Variants in SEMA4D observed in about 807,000 individuals in gnomAD.
The protein encoded by SEMA4D is semaphorin 4D, also known as semaphorin-4D.
Under a neutral mutation model 74.8 loss-of-function variants are expected in SEMA4D, and 22 were observed. The ratio of observed to expected loss-of-function variants is 0.29; its 90% CI spans 0.21 to 0.42. The LOEUF (loss-of-function observed/expected upper bound fraction) is 0.42. Among genes scored for constraint, SEMA4D ranks in the 10% least tolerant of loss-of-function variants. SEMA4D has a pLI of 1.00. For missense variants in SEMA4D, 937 were observed against 1,118.4 expected (o/e 0.84, Z 2.31); for synonymous variants, 445 against 463.7 (o/e 0.96, Z 0.52).
chr9:89,475,835 T>TC (rs934010381), intron 1 of SEMA4D, among the ~76,000 whole-genome samples: 10 of 152,262 alleles, frequency 6.6e-5, no homozygotes, highest in African/African-American at 2.2e-4. Context: ...ATATTTTTTT[T>TC]CCCAGAAAAA....
intron 18 of SEMA4D, among the ~76,000 whole-genome samples, chr9:89,363,266 T>TCC (rs1564475660): frequency 1.4e-5 from 2 of 142,644 alleles, no homozygotes; most frequent in Non-Finnish European, 3.1e-5. Context: ...GACGTGGGAT[T>TCC]TCCCCCCCCA....
At chr9:89,372,244 G>C (rs375411129), downstream of SEMA4D, among the ~76,000 whole-genome samples, 7 of 120,734 alleles carry the variant, frequency 5.8e-5, no homozygotes, top group African/African-American at 2.3e-4. Context: ...GGTGTGGTGT[G>C]TCTGGGCTGT....
rs202107962 is a variant in SEMA4D, at chr9:89,381,164, C to T, written c.1619+10G>A. The T allele has an allele frequency of 4.4e-4, 712 of 1,613,894 alleles. 4 individuals are homozygous for T. Among genetic ancestry groups the T allele is most frequent in the Middle Eastern group, 1.6e-4 (1 of 6,084 alleles). On this transcript the variant is annotated intron_variant, in intron 14 of 15. Coordinates refer to ENST00000422704, the MANE Select transcript of SEMA4D (RefSeq NM_001371194.2). This position sits in a 1 kb window ranked among gnomAD's most constrained non-coding sequence, Gnocchi z 4.6. ...GGGGACATCCCCAGGCAGCGCATCC[C>T]GCCCCATACCTGCTGGGGCTCTCGG...
At chr9:89,459,245 G>T (rs1856692188) in intron 1 of SEMA4D, among the ~76,000 whole-genome samples, 1 of 146,900 alleles carries the variant, frequency 6.8e-6, no homozygotes, top group African/African-American at 2.4e-5. Context: ...GTCCGGTAGT[G>T]CTCTGGGGGG....
At position 89,391,372 on chromosome 9, in the gene SEMA4D, G is replaced by T; in HGVS notation, c.666C>A (p.Asp222Glu). ...CCCTGTCATCCTCGCCGTCGGGGCT[G>T]TCTGGGCTTTTTCGGATCACGTCAG... is the stretch of plus-strand genomic sequence containing the variant. ...VFADVIRKSP[D>E]SPDGEDDRVY... is the part of the protein sequence containing the mutation. Residue 222 changes from aspartate (D) to glutamate (E), a missense_variant, in exon 9 of 16, where the codon GAC (aspartate) becomes GAA (glutamate). Asp to Glu is a conservative substitution (Grantham distance 45). Transcript: ENST00000422704. 6.2e-7 allele frequency: 1 copy of T among 1,614,274 alleles called. No homozygotes were observed. The highest frequency in any genetic ancestry group is 8.5e-7 in the Non-Finnish European group (1 of 1,180,046).
chr9:89,460,875 T>C (rs978825359), intron 1 of SEMA4D, among the ~76,000 whole-genome samples: 1 of 152,076 alleles, frequency 6.6e-6, no homozygotes, highest in Admixed American at 6.5e-5. Flanking sequence ...CAGCTGAAAA[T>C]GACACCTAGC....
Position 89,405,506 on chromosome 9 carries a change from G to C in SEMA4D, c.-50C>G. ...TCAGCAGCAAAGGCTCACGGCAGCA[G>C]GTGGCCGGGCAGGTGTGCTATTGCA... is the stretch of plus-strand genomic sequence containing the variant. On this transcript the variant is annotated 5_prime_UTR_variant, in exon 3 of 16. Transcript: ENST00000422704. 6.2e-7 allele frequency: 1 copy of C among 1,605,972 alleles called. No homozygotes were observed. The highest frequency in any genetic ancestry group is 1.1e-5 in the South Asian group (1 of 90,844).
chr9:89,447,696 AG>A (rs1853281858), intron 2 of SEMA4D, among the ~76,000 whole-genome samples: 1 of 151,674 alleles, frequency 6.6e-6, no homozygotes, highest in Admixed American at 6.6e-5. Context: ...CCCAGAAGCC[AG>A]GGGTCTTCCC....
chr9:89,461,700 C>CTCTTTTTTTTTTTTTTTTT (rs71281350), intron 1 of SEMA4D, among the ~76,000 whole-genome samples: 9 of 103,646 alleles, frequency 8.7e-5, no homozygotes, highest in Non-Finnish European at 1.5e-4. Context: ...TCTTTTTTCT[C>CTCTTTTTTTTTTTTTTTTT]TTTTTTTTTT....
At chr9:89,485,553 C>A (rs1242423694) in intron 1 of SEMA4D, among the ~76,000 whole-genome samples, 10 of 152,080 alleles carry the variant, frequency 6.6e-5, no homozygotes, top group Non-Finnish European at 1.0e-4. Flanking sequence ...CTTTGGGAGG[C>A]CAAGACGGGA....
intron 8 of SEMA4D, 151 bp from the exon 9 acceptor site, chr9:89,391,566 A>G: frequency 2.7e-6 from 2 of 727,352 alleles, no homozygotes; most frequent in South Asian, 1.8e-5. Context: ...ATCCAAACAG[A>G]AACTCCAGGA....
At chr9:89,466,987 C>T (rs372104387) in intron 1 of SEMA4D, among the ~76,000 whole-genome samples, 2 of 152,198 alleles carry the variant, frequency 1.3e-5, no homozygotes, top group African/African-American at 2.4e-5. Context: ...AGAGCAGAAA[C>T]GAAAATGTCA....
At chr9:89,452,467 C>T (rs1017853330) in intron 2 of SEMA4D, among the ~76,000 whole-genome samples, 8 of 151,542 alleles carry the variant, frequency 5.3e-5, no homozygotes, top group African/African-American at 2.4e-5. Flanking sequence ...TGTGAGCCAC[C>T]GCACCCAGCC....
downstream of SEMA4D, among the ~76,000 whole-genome samples, chr9:89,372,395 G>A (rs976276030): frequency 6.9e-6 from 1 of 145,788 alleles, no homozygotes; most frequent in African/African-American, 2.6e-5. Flanking sequence ...GGTGTGTCGG[G>A]GGTGTGTGTG....
At chr9:89,361,033 AC>A (rs1252661547) in exon 19 of SEMA4D, 5 of 152,210 alleles carry the variant, frequency 3.3e-5, no homozygotes, top group African/African-American at 1.2e-4. Flanking sequence ...TTGAAGCCAC[AC>A]CCAAAGCAAG....
At chr9:89,432,361 T>C (rs1564763311) in intron 2 of SEMA4D, among the ~76,000 whole-genome samples, 1 of 149,616 alleles carries the variant, frequency 6.7e-6, no homozygotes, top group Non-Finnish European at 1.5e-5. Flanking sequence ...CCCTGGGGAG[T>C]TGGGAGCTGA....
chr9:89,461,592 A>G (rs73488271), intron 1 of SEMA4D, among the ~76,000 whole-genome samples: 3,927 of 152,084 alleles, frequency 0.026, 161 homozygotes, highest in African/African-American at 0.088. Flanking sequence ...TTTTTCTCCT[A>G]TACTAGGAGA....
intron 9 of SEMA4D, among the ~76,000 whole-genome samples, chr9:89,390,045 T>C (rs1221133937): frequency 6.6e-6 from 1 of 152,116 alleles, no homozygotes; most frequent in Admixed American, 6.5e-5. Context: ...GCCTAAGACT[T>C]GTAGAAACTT....
At chr9:89,385,866 G>GGGGGGGGGGGCCCCCCCCCCC in intron 13 of SEMA4D, 1 of 196,226 alleles carries the variant, frequency 5.1e-6, no homozygotes, top group Non-Finnish European at 9.0e-6. Context: ...CAGCGTGGAT[G>GGGGGGGGGGGCCCCCCCCCCC]CCCGCCCACC....
Sources: allele counts gnomAD v4.1 joint callset (sites outside exome capture counted in the v4.1 genomes callset), GRCh38; gene constraint gnomAD v4.1.1; non-coding constraint Gnocchi (gnomAD v3.1); transcripts MANE v1.5; gene names NCBI Gene and HGNC (gene_info 2026-07-23, HGNC 2026-07-21).